CHD5: variants seen among roughly 807,000 people sequenced by gnomAD.
The protein encoded by CHD5 is ATP-dependent chromatin remodeler CHD5.
Under a neutral mutation model 230.3 loss-of-function variants are expected in CHD5, and 69 were observed. The observed-to-expected ratio is 0.30, with a 90% CI of 0.25 to 0.37. The LOEUF is 0.37. CHD5 is among the 10% of genes least tolerant of loss of function. The pLI is 1.00. For synonymous variants in CHD5, 1,064 were observed against 1,065.9 expected, an observed-to-expected ratio of 1.00 and a Z score of 0.03; for missense variants, 1,827 against 2,622.8, an observed-to-expected ratio of 0.70 and a Z score of 6.63.
chr1:6,106,008 C>T (rs1374461427), intron 41 of CHD5, among the ~76,000 whole-genome samples: 2 of 152,204 alleles, frequency 1.3e-5, no homozygotes, highest in Non-Finnish European at 1.5e-5. Flanking sequence ...TCCTGCCACC[C>T]CAGCCTCCCA....
chr1:6,144,688 G>A (rs1264505907), intron 11 of CHD5, among the ~76,000 whole-genome samples: 1 of 152,224 alleles, frequency 6.6e-6, no homozygotes, highest in African/African-American at 2.4e-5. Context: ...CACACAGCTT[G>A]ATTCTGGCCA....
chr1:6,106,714 G>A lies in CHD5; in HGVS notation c.5644C>T (p.Leu1882=), dbSNP rs1311445421. Residue 1882 remains leucine (L), a synonymous_variant, in exon 39 of 42, where the codon CTG becomes TTG. Transcript: ENST00000262450. ...GCGGCCACCGGGGGGATGCGGGACA[G>A]CATGGATGGCAGCCGGGTCACGTCG... ...KADVTRLPSM[L]SRIPPVAARL... 1 of 1,612,056 alleles carries A rather than the reference G, an allele frequency of 6.2e-7. No individual in the cohort carries two copies. Among genetic ancestry groups the A allele is most frequent in the Admixed American group, 1.7e-5 (1 of 59,970 alleles).
chr1:6,158,546 G>A (rs1335422301), intron 3 of CHD5, among the ~76,000 whole-genome samples: 12 of 152,330 alleles, frequency 7.9e-5, no homozygotes, highest in South Asian at 2.1e-4. Context: ...GTGGTGATGC[G>A]TGCCTGTAGT....
In CHD5 at chr1:6,130,020, A is replaced by G. The variant is rs1666628964; in HGVS notation, c.3387+184T>C. The G allele has an allele frequency of 1.5e-6, 1 of 672,452 alleles. No individual in the cohort carries two copies. The highest frequency in any genetic ancestry group is 1.8e-5 in the South Asian group (1 of 56,016). The allele number at this position is 672,452 out of a possible 1,614,324, so 41.7% of individuals were successfully genotyped here. A position where few individuals can be genotyped will look rare whatever the true frequency, so the allele number is the denominator to read the frequency against. ...TCTGGACAAGGACAGAGCTGGAGGG[A>G]TGGGGGCCAAGCTTCCACTCACTCC... On this transcript the variant is annotated intron_variant, in intron 22 of 41. Coordinates refer to ENST00000262450, the MANE Select transcript of CHD5 (RefSeq NM_015557.3). This position sits in a 1 kb window ranked among gnomAD's most constrained non-coding sequence, Gnocchi z 4.9.
At chr1:6,177,439 T>C (rs1667443384) in intron 1 of CHD5, among the ~76,000 whole-genome samples, 1 of 152,188 alleles carries the variant, frequency 6.6e-6, no homozygotes, top group African/African-American at 2.4e-5. Flanking sequence ...GTGCTGGGCA[T>C]GGCAGGTTAT....
intron 1 of CHD5, among the ~76,000 whole-genome samples, chr1:6,171,254 C>T (rs963429839): frequency 5.9e-5 from 9 of 152,224 alleles, no homozygotes; most frequent in African/African-American, 1.2e-4. Flanking sequence ...CCCTAACCCA[C>T]GCCCAGAACA....
chr1:6,135,133 G>A lies in CHD5; in HGVS notation c.2870+97C>T, dbSNP rs147125492. The A allele has an allele frequency of 5.6e-3, 7,857 of 1,404,442 alleles. 36 individuals carry two copies. The highest frequency in any genetic ancestry group is 9.9e-3 in the Middle Eastern group (55 of 5,572). The allele number at this position is 1,404,442 out of a possible 1,614,324, so 87.0% of individuals were successfully genotyped here. A position where few individuals can be genotyped will look rare whatever the true frequency, so the allele number is the denominator to read the frequency against. On this transcript the variant is annotated intron_variant, in intron 18 of 41. Transcript: ENST00000262450. ...AAAGCATTAGCCGAGACCTCAGTGA[G>A]GCTGAAGAGCCCTCCGCCCACCTGG...
rs1043219974 is a variant in CHD5 at position 6,130,064 on chromosome 1, C to T, written c.3387+140G>A. 11 of 974,162 alleles carry T rather than the reference C, an allele frequency of 1.1e-5. No homozygotes were observed. The highest frequency in any genetic ancestry group is 4.9e-5 in the East Asian group (2 of 40,806). 60.3% of individuals were successfully genotyped at this position (974,162 alleles called of 1,614,324 possible). A position where few individuals can be genotyped will look rare whatever the true frequency, so the allele number is the denominator to read the frequency against. ...TCACTCCCAGAGCCCCTCTTGGGGC[C>T]GAGACTCCACGGGGGAGGGAGGCCC... On this transcript the variant is annotated intron_variant, in intron 22 of 41. Coordinates refer to ENST00000262450, the MANE Select transcript of CHD5 (RefSeq NM_015557.3). The surrounding 1 kb of genome is among the most constrained non-coding windows in gnomAD (Gnocchi z 4.9).
At chr1:6,174,706 AATGG>A (rs1667393402) in intron 1 of CHD5, among the ~76,000 whole-genome samples, 1 of 142,676 alleles carries the variant, frequency 7.0e-6, no homozygotes, top group African/African-American at 2.6e-5. Flanking sequence ...TGGATGGATG[AATGG>A]ATGGTGGATG....
chr1:6,150,006 TGGATG>T (rs1666976824), intron 7 of CHD5, among the ~76,000 whole-genome samples: 1 of 72,036 alleles, frequency 1.4e-5, no homozygotes, highest in African/African-American at 1.1e-4. Context: ...GACAAATGGA[TGGATG>T]GATGGATGGA....
chr1:6,127,897 G>C (rs1384688655), intron 25 of CHD5, 149 bp downstream of exon 25: 1 of 681,586 alleles, frequency 1.5e-6, no homozygotes, highest in Non-Finnish European at 2.5e-6. Context: ...AGCAGGGAGG[G>C]CGGGGCTGCG....
At chr1:6,172,509 C>T (rs11809884) in intron 1 of CHD5, among the ~76,000 whole-genome samples, 31,508 of 151,964 alleles carry the variant, frequency 0.21, 7,000 homozygotes, top group African/African-American at 0.56. Flanking sequence ...ATTCTTATCC[C>T]CATCTGCAGA....
intron 3 of CHD5, 99 bp downstream of exon 3, chr1:6,159,237 A>T: frequency 6.7e-7 from 1 of 1,487,738 alleles, no homozygotes; most frequent in South Asian, 1.4e-5. Context: ...TCACACACAC[A>T]CACACACACA....
intron 7 of CHD5, among the ~76,000 whole-genome samples, chr1:6,149,833 G>C (rs1042957137): frequency 1.3e-5 from 2 of 151,372 alleles, no homozygotes; most frequent in African/African-American, 4.9e-5. Flanking sequence ...ATGGATGGAT[G>C]ATGAATGGAC....
rs150216526 is a variant in CHD5 at position 6,143,893 on chromosome 1, C to T, written c.1973G>A (p.Arg658Lys). Residue 658 changes from arginine (R) to lysine (K), a missense_variant, in exon 13 of 42, where the codon AGG (arginine) becomes AAG (lysine). Arg to Lys is a conservative substitution (Grantham distance 26). Transcript: ENST00000262450. ...MLGEDTRLPK[R>K]LLKKGKKLRD... ...CAGCTTCTTGCCCTTCTTGAGCAGC[C>T]TCTTGGGCAGCCTGGTGTCTTCTCC... The T allele has an allele frequency of 1.9e-5, 30 of 1,613,878 alleles. No individual in the cohort carries two copies. Among genetic ancestry groups the T allele is most frequent in the Non-Finnish European group, 2.5e-5 (30 of 1,180,024 alleles).
In CHD5 at chr1:6,162,913, C is replaced by T. The variant is rs960453378; in HGVS notation, c.208-3398G>A. Among the ~76,000 whole-genome samples the T allele has an allele frequency of 2.0e-5, 3 of 152,172 alleles. No individual in the cohort carries two copies. In the East Asian group the frequency reaches 5.8e-4, roughly 29 times the overall value. ...ACCCAGCATCTGATGGCAAGCAGTC[C>T]CCTCGGCGACCTGCAGGGGAGACCA... On this transcript the variant is annotated intron_variant, in intron 2 of 41. Transcript: ENST00000262450.
intron 33 of CHD5, among the ~76,000 whole-genome samples, chr1:6,117,510 A>G (rs1456781772): frequency 6.6e-6 from 1 of 152,222 alleles, no homozygotes; most frequent in Admixed American, 6.5e-5. Context: ...CCAGGACTTC[A>G]AAGCCCTCCT....
intron 1 of CHD5, among the ~76,000 whole-genome samples, chr1:6,169,070 A>T (rs191707342): frequency 2.6e-5 from 4 of 152,066 alleles, no homozygotes; most frequent in Admixed American, 1.3e-4. Context: ...GGGACACTCA[A>T]GCCCCAAACC....
intron 15 of CHD5, 112 bp from the exon 16 acceptor site, chr1:6,136,977 C>G: frequency 8.2e-7 from 1 of 1,223,356 alleles, no homozygotes; most frequent in Non-Finnish European, 1.1e-6. Flanking sequence ...AAAGGCTCCA[C>G]GGAGCCCTGG....
Sources: allele counts gnomAD v4.1 joint callset (sites outside exome capture counted in the v4.1 genomes callset), GRCh38; gene constraint gnomAD v4.1.1; non-coding constraint Gnocchi (gnomAD v3.1); transcripts MANE v1.5; gene names NCBI Gene and HGNC (gene_info 2026-07-23, HGNC 2026-07-21).